Variants in STRN observed in about 807,000 individuals in gnomAD.
STRN encodes striatin.
STRN carries 53 observed loss-of-function variants against 96.3 expected under a neutral mutation model. That is an observed-to-expected ratio of 0.55 (90% CI 0.44 to 0.69). The LOEUF is 0.69. Ranked by LOEUF, STRN falls within the 30% of genes least tolerant of loss-of-function variation. STRN has a pLI of 0.00. For missense variants in STRN, 987 were observed against 963.9 expected, an observed-to-expected ratio of 1.02 and a Z score of -0.32; for synonymous variants, 428 against 355.9, an observed-to-expected ratio of 1.20 and a Z score of -2.28.
chr2:36,889,284 T>C (rs1340778469), intron 7 of STRN, among the ~76,000 whole-genome samples: 1 of 152,194 alleles, frequency 6.6e-6, no homozygotes, highest in East Asian at 1.9e-4. Context: ...AGAAAACTGT[T>C]TCCTGGGCCT....
chr2:36,864,942 T>C (rs1668584210), intron 12 of STRN, among the ~76,000 whole-genome samples: 1 of 152,214 alleles, frequency 6.6e-6, no homozygotes, highest in African/African-American at 2.4e-5. Context: ...CTCGAACTCC[T>C]GATCTCAGGT....
chr2:36,943,386 C>T (rs191129800), intron 1 of STRN, among the ~76,000 whole-genome samples: 2 of 148,910 alleles, frequency 1.3e-5, no homozygotes, highest in Admixed American at 1.3e-4. Flanking sequence ...GGGACTAGAA[C>T]TATATATATA....
intron 1 of STRN, among the ~76,000 whole-genome samples, chr2:36,928,572 A>C (rs1326803377): frequency 6.6e-6 from 1 of 151,896 alleles, no homozygotes; most frequent in Non-Finnish European, 1.5e-5. Flanking sequence ...GAATCACTCA[A>C]ACCCAGGAGG....
At chr2:36,906,589 A>C (rs1344040237) in intron 3 of STRN, among the ~76,000 whole-genome samples, 1 of 152,034 alleles carries the variant, frequency 6.6e-6, no homozygotes, top group Non-Finnish European at 1.5e-5. Flanking sequence ...ATATATAACA[A>C]CCTCAATCCA....
At position 36,939,223 on chromosome 2, in the gene STRN, G is replaced by A. The variant is rs190968276; in HGVS notation, c.235-14015C>T. On this transcript the variant is annotated intron_variant, in intron 1 of 17. Coordinates refer to ENST00000263918, the MANE Select transcript of STRN (RefSeq NM_003162.4). Reference sequence around the variant, plus strand: ...TAGGATTACAGGTGTGAGCCGCCGCGCCCAGCCTGTTTTTTGTTTTAATCA... The same window carrying A: ...TAGGATTACAGGTGTGAGCCGCCGCACCCAGCCTGTTTTTTGTTTTAATCA... Among the ~76,000 whole-genome samples the A allele has an allele frequency of 4.2e-3, 629 of 151,554 alleles. 4 individuals carry two copies. Among genetic ancestry groups the A allele is most frequent in the Non-Finnish European group, 7.2e-3 (486 of 67,806 alleles).
intron 10 of STRN, among the ~76,000 whole-genome samples, chr2:36,871,095 G>GT (rs1181293954): frequency 6.6e-6 from 1 of 152,188 alleles, no homozygotes; most frequent in Admixed American, 6.5e-5. Context: ...GTGTCAAAAT[G>GT]TTTTTAAAAA....
chr2:36,883,317 C>CT (rs1669124896), intron 9 of STRN, among the ~76,000 whole-genome samples: 1 of 152,072 alleles, frequency 6.6e-6, no homozygotes, highest in Non-Finnish European at 1.5e-5. Flanking sequence ...ATTAGCTAGG[C>CT]TTGGCGGCAG....
rs1018181002 is a variant in STRN at position 36,838,422 on chromosome 2, G to T, written c.*11034C>A. Among the ~76,000 whole-genome samples, 5 of 152,148 alleles carry T rather than the reference G, an allele frequency of 3.3e-5. No individual in the cohort carries two copies. In the South Asian group the frequency reaches 6.2e-4, roughly 19 times the overall value. Reference sequence around the variant, plus strand: ...TACAGAACTTTGAATAGATAATTCAGTTCTGAGTGCAATCCAGATGACCAA... The same window carrying T: ...TACAGAACTTTGAATAGATAATTCATTTCTGAGTGCAATCCAGATGACCAA... On this transcript the variant is annotated 3_prime_UTR_variant, in exon 18 of 18. Transcript: ENST00000263918.
chr2:36,854,137 A>C (rs1310871318), intron 15 of STRN, among the ~76,000 whole-genome samples: 1 of 152,170 alleles, frequency 6.6e-6, no homozygotes, highest in Non-Finnish European at 1.5e-5. Context: ...ATGTTCACAA[A>C]TTGGCCATAT....
At chr2:36,888,827 T>A (rs564694160) in intron 7 of STRN, among the ~76,000 whole-genome samples, 2 of 152,114 alleles carry the variant, frequency 1.3e-5, no homozygotes, top group East Asian at 1.9e-4. Context: ...ACAACAGGTG[T>A]GTACCACCAT....
intron 1 of STRN, among the ~76,000 whole-genome samples, chr2:36,936,797 T>A (rs1215126388): frequency 1.3e-5 from 2 of 152,246 alleles, no homozygotes; most frequent in Admixed American, 6.5e-5. Context: ...TGAAACAGAT[T>A]ACAGGCTTTC....
chr2:36,921,922 A>G (rs1670270028), intron 2 of STRN, among the ~76,000 whole-genome samples: 2 of 152,252 alleles, frequency 1.3e-5, no homozygotes, highest in South Asian at 4.1e-4. Flanking sequence ...ACCAGGAAAA[A>G]AAAATGCTAT....
At chr2:36,865,278 A>T (rs751332877) in intron 12 of STRN, among the ~76,000 whole-genome samples, 91 of 152,120 alleles carry the variant, frequency 6.0e-4, no homozygotes, top group Non-Finnish European at 8.8e-4. Flanking sequence ...TGTTCATAAC[A>T]GTTTCTGGCT....
At chr2:36,893,534 G>A (rs189424401) in intron 7 of STRN, among the ~76,000 whole-genome samples, 23 of 151,910 alleles carry the variant, frequency 1.5e-4, no homozygotes, top group South Asian at 6.2e-4. Context: ...ACTTCTTTTC[G>A]CATGTAAGAT....
chr2:36,904,037 G>T (rs1669755136), intron 4 of STRN, among the ~76,000 whole-genome samples: 1 of 152,110 alleles, frequency 6.6e-6, no homozygotes, highest in Non-Finnish European at 1.5e-5. Context: ...CAGAAGAGTT[G>T]ATTATGGGTC....
At chr2:36,934,511 T>C (rs1313988647) in intron 1 of STRN, among the ~76,000 whole-genome samples, 2 of 152,226 alleles carry the variant, frequency 1.3e-5, no homozygotes, top group Non-Finnish European at 1.5e-5. Context: ...ATTTTGTTTA[T>C]GGTTAGCTCC....
intron 10 of STRN, among the ~76,000 whole-genome samples, chr2:36,877,589 G>C (rs182510861): frequency 6.6e-6 from 1 of 152,186 alleles, no homozygotes; most frequent in Non-Finnish European, 1.5e-5. Flanking sequence ...AGGCTGGAGT[G>C]CAGTGGTGCG....
chr2:36,916,234 G>A, intron 2 of STRN, 83 bp from the exon 3 acceptor site: 2 of 1,199,424 alleles, frequency 1.7e-6, no homozygotes, highest in Admixed American at 1.9e-5. Flanking sequence ...CAAGAATTCA[G>A]TAGTCCTGGC....
rs937953579 is a variant in STRN at position 36,839,976 on chromosome 2, A to G, written c.*9480T>C. ...AGAGATGTTCCTAGGAGAGTTAATA[A>G]ACATTGGTACAATTACTATAAAATC... On this transcript the variant is annotated 3_prime_UTR_variant, in exon 18 of 18. Transcript: ENST00000263918. The G allele has an allele frequency of 6.6e-6, 1 of 152,186 alleles. No individual in the cohort carries two copies. The highest frequency in any genetic ancestry group is 1.5e-5 in the Non-Finnish European group (1 of 68,036). The allele number at this position is 152,186 out of a possible 1,614,324, so 9.4% of individuals were successfully genotyped here.
Sources: allele counts gnomAD v4.1 joint callset (sites outside exome capture counted in the v4.1 genomes callset), GRCh38; gene constraint gnomAD v4.1.1; transcripts MANE v1.5; gene names NCBI Gene and HGNC (gene_info 2026-07-23, HGNC 2026-07-21).